Variants in TAS2R1 observed in about 807,000 individuals in gnomAD.
The protein encoded by TAS2R1 is taste 2 receptor member 1, also known as taste receptor type 2 member 1.
For synonymous variants in TAS2R1, 141 were observed against 134.2 expected (o/e 1.05, Z -0.35); for missense variants, 370 against 353.4 (o/e 1.05, Z -0.38).
At chr5:9,808,805 C>T in the TAS2R1 span, among the ~76,000 whole-genome samples, 5 of 152,152 alleles carry the variant, frequency 3.3e-5, no homozygotes, top group African/African-American at 1.2e-4. Flanking sequence ...CCTCCTTGGT[C>T]TCAAAGGATG....
intron 1 of TAS2R1, among the ~76,000 whole-genome samples, chr5:9,662,111 C>A (rs994818177): frequency 6.6e-6 from 1 of 152,172 alleles, no homozygotes; most frequent in Non-Finnish European, 1.5e-5. Flanking sequence ...GAACAGCCTC[C>A]ATGCCATTTC....
At chr5:9,774,755 C>A in the TAS2R1 span, among the ~76,000 whole-genome samples, 1 of 152,230 alleles carries the variant, frequency 6.6e-6, no homozygotes, top group African/African-American at 2.4e-5. Context: ...CAGGCGGAGA[C>A]TCTTGTTCTT....
the TAS2R1 span, among the ~76,000 whole-genome samples, chr5:9,802,276 C>T: frequency 2.0e-5 from 3 of 152,138 alleles, no homozygotes; most frequent in Non-Finnish European, 4.4e-5. Flanking sequence ...TCCCCAGTAC[C>T]AGCCCAGAGC....
intron 2 of TAS2R1, among the ~76,000 whole-genome samples, chr5:9,659,100 C>G (rs1740476784): frequency 6.6e-6 from 1 of 152,164 alleles, no homozygotes; most frequent in African/African-American, 2.4e-5. Flanking sequence ...ATGAATAAAT[C>G]TAGTCTTTCT....
the TAS2R1 span, among the ~76,000 whole-genome samples, chr5:9,757,519 C>T: frequency 4.6e-5 from 7 of 152,084 alleles, no homozygotes; most frequent in Admixed American, 4.6e-4. Flanking sequence ...CACAGCCACC[C>T]CTTTTACATC....
intron 2 of TAS2R1, chr5:9,658,614 G>C (rs1354816849): frequency 6.6e-6 from 1 of 152,096 alleles, no homozygotes; most frequent in Non-Finnish European, 1.5e-5. Flanking sequence ...GTTATGTTCT[G>C]GAATTAAATC....
intron 2 of TAS2R1, among the ~76,000 whole-genome samples, chr5:9,657,410 A>G (rs1212579703): frequency 6.6e-6 from 1 of 152,224 alleles, no homozygotes; most frequent in Non-Finnish European, 1.5e-5. Flanking sequence ...GCTGTCTACT[A>G]AAAATACCGA....
downstream of TAS2R1, chr5:9,629,436 GA>G (rs1179718108): frequency 6.2e-7 from 1 of 1,614,010 alleles, no homozygotes; most frequent in Non-Finnish European, 8.5e-7. Flanking sequence ...TCCCCAGAGA[GA>G]AAATCAAGAG....
At chr5:9,903,306 A>C in the TAS2R1 span, among the ~76,000 whole-genome samples, 1 of 152,082 alleles carries the variant, frequency 6.6e-6, no homozygotes, top group African/African-American at 2.4e-5. Flanking sequence ...TAACATAATA[A>C]TCTCCAGTTT....
the TAS2R1 span, among the ~76,000 whole-genome samples, chr5:9,718,179 C>T: frequency 6.6e-6 from 1 of 151,350 alleles, no homozygotes; most frequent in African/African-American, 2.4e-5. Flanking sequence ...CCGTGTTGGC[C>T]AGGATCGTCT....
At chr5:9,655,841 GC>G (rs1405031828) in intron 2 of TAS2R1, among the ~76,000 whole-genome samples, 4 of 150,332 alleles carry the variant, frequency 2.7e-5, no homozygotes, top group African/African-American at 9.8e-5. Flanking sequence ...GCTTTTTCCT[GC>G]CTCTGTGGTT....
chr5:9,894,726 T>C, the TAS2R1 span, among the ~76,000 whole-genome samples: 2 of 152,250 alleles, frequency 1.3e-5, no homozygotes, highest in Non-Finnish European at 2.9e-5. Context: ...AACAGATTTA[T>C]AGACATTGGA....
intron 2 of TAS2R1, among the ~76,000 whole-genome samples, chr5:9,639,025 C>G (rs1740022034): frequency 6.6e-6 from 1 of 152,178 alleles, no homozygotes; most frequent in Non-Finnish European, 1.5e-5. Context: ...GCAAGCATGG[C>G]TTTCAGACCT....
intron 1 of TAS2R1, among the ~76,000 whole-genome samples, chr5:9,710,342 A>G (rs1472429349): frequency 6.6e-6 from 1 of 152,260 alleles, no homozygotes; most frequent in Non-Finnish European, 1.5e-5. Context: ...TACAAAGAGT[A>G]TGCTCTCCAA....
chr5:9,874,467 A>T, the TAS2R1 span, among the ~76,000 whole-genome samples: 4 of 152,088 alleles, frequency 2.6e-5, no homozygotes, highest in Non-Finnish European at 5.9e-5. Context: ...TTCTTCAGGG[A>T]TTCCTTAGCA....
At chr5:9,874,018 G>C in the TAS2R1 span, among the ~76,000 whole-genome samples, 1 of 151,200 alleles carries the variant, frequency 6.6e-6, no homozygotes, top group Non-Finnish European at 1.5e-5. Context: ...AAGGAAGGGA[G>C]GGAGGGAGGA....
chr5:9,861,060 C>CTTTTTTTTTTTTTTTTTTTTTTTT, the TAS2R1 span, among the ~76,000 whole-genome samples: 1 of 24,210 alleles, frequency 4.1e-5, no homozygotes, highest in Non-Finnish European at 9.5e-5. Context: ...TTTGCTATTG[C>CTTTTTTTTTTTTTTTTTTTTTTTT]ATTTGGGTAT....
the TAS2R1 span, among the ~76,000 whole-genome samples, chr5:9,788,286 A>G: frequency 2.0e-5 from 3 of 152,208 alleles, no homozygotes; most frequent in Admixed American, 6.5e-5. Flanking sequence ...ACACCAGTTG[A>G]TATTCTGAAC....
the TAS2R1 span, among the ~76,000 whole-genome samples, chr5:9,748,421 TG>T: frequency 6.6e-6 from 1 of 152,204 alleles, no homozygotes; most frequent in African/African-American, 2.4e-5. Flanking sequence ...GTCTATTTAC[TG>T]TAGCTATAAC....
Sources: gnomAD v4.1 joint callset for allele counts (sites outside exome capture counted in the v4.1 genomes callset) on GRCh38, gnomAD v4.1.1 for gene constraint, MANE v1.5 for transcripts, NCBI Gene and HGNC (gene_info 2026-07-23, HGNC 2026-07-21) for gene names.